CFAP44: variants seen among roughly 807,000 people sequenced by gnomAD.
The protein encoded by CFAP44 is cilia- and flagella-associated protein 44.
CFAP44 carries 134 observed loss-of-function variants against 216.2 expected under a neutral mutation model. The ratio of observed to expected loss-of-function variants is 0.62; its 90% CI spans 0.54 to 0.72. CFAP44 has a LOEUF of 0.72. CFAP44 is among the 30% of genes least tolerant of loss of function. The probability of loss-of-function intolerance (pLI) is 0.00; values close to 1 mark genes in which losing one functional copy is unlikely to be tolerated. For synonymous variants in CFAP44, 700 were observed against 727.6 expected (o/e 0.96, Z 0.61); for missense variants, 2,035 against 2,182.1 (o/e 0.93, Z 1.34).
intron 28 of CFAP44, among the ~76,000 whole-genome samples, chr3:113,324,229 A>G (rs996361733): frequency 7.9e-5 from 12 of 152,154 alleles, no homozygotes; most frequent in African/African-American, 2.7e-4. Flanking sequence ...CCAGAAAATC[A>G]AATGGAAAAG....
chr3:113,410,617 T>C (rs1576596496), intron 6 of CFAP44, among the ~76,000 whole-genome samples: 2 of 152,342 alleles, frequency 1.3e-5, no homozygotes, highest in East Asian at 3.9e-4. Context: ...TACATGTGCA[T>C]GTGTCTTTAT....
intron 6 of CFAP44, among the ~76,000 whole-genome samples, chr3:113,411,950 G>A (rs1934488936): frequency 6.7e-6 from 1 of 149,190 alleles, no homozygotes; most frequent in Admixed American, 6.7e-5. Flanking sequence ...GTCTGTTATT[G>A]GTGTATAAGA....
At chr3:113,434,125 C>G (rs1208893872) in intron 1 of CFAP44, 1 of 153,340 alleles carries the variant, frequency 6.5e-6, no homozygotes, top group Non-Finnish European at 1.5e-5. Flanking sequence ...AATTACAAAC[C>G]TGGAGAAGAG....
intron 15 of CFAP44, among the ~76,000 whole-genome samples, chr3:113,390,938 A>T (rs1276915820): frequency 6.6e-6 from 1 of 152,158 alleles, no homozygotes; most frequent in Non-Finnish European, 1.5e-5. Flanking sequence ...CTACAAATTC[A>T]ATGCAATGCC....
At chr3:113,382,430 A>C (rs1933540386) in intron 15 of CFAP44, among the ~76,000 whole-genome samples, 1 of 152,140 alleles carries the variant, frequency 6.6e-6, no homozygotes, top group South Asian at 2.1e-4. Flanking sequence ...CATAAAGGAG[A>C]GAGTGATAGA....
chr3:113,385,379 A>G (rs1162005821), intron 15 of CFAP44, among the ~76,000 whole-genome samples: 1 of 152,242 alleles, frequency 6.6e-6, no homozygotes, highest in East Asian at 1.9e-4. Context: ...CCAGGTAGTC[A>G]GAAGATGATA....
chr3:113,306,707 ATC>A (rs1949988987), intron 29 of CFAP44, among the ~76,000 whole-genome samples: 1 of 152,202 alleles, frequency 6.6e-6, no homozygotes, highest in African/African-American at 2.4e-5. Flanking sequence ...CAAGTGCATT[ATC>A]TCTCTATTAT....
At chr3:113,332,824 T>C (rs953686454) in intron 25 of CFAP44, among the ~76,000 whole-genome samples, 3 of 152,176 alleles carry the variant, frequency 2.0e-5, no homozygotes, top group Admixed American at 6.5e-5. Flanking sequence ...AACAATGGCC[T>C]TTTAAATCTA....
intron 1 of CFAP44, among the ~76,000 whole-genome samples, chr3:113,439,859 G>T (rs1935321380): frequency 6.6e-6 from 1 of 152,096 alleles, no homozygotes; most frequent in Non-Finnish European, 1.5e-5. Context: ...TGCCAGAGGT[G>T]GTTATTTAAG....
intron 18 of CFAP44, among the ~76,000 whole-genome samples, chr3:113,371,342 A>G (rs1052968888): frequency 6.6e-6 from 1 of 152,244 alleles, no homozygotes; most frequent in Admixed American, 6.5e-5. Flanking sequence ...CTACAAGGCT[A>G]TAGTAACCAA....
chr3:113,306,857 G>A (rs1000476217), intron 29 of CFAP44, among the ~76,000 whole-genome samples: 19 of 152,138 alleles, frequency 1.2e-4, no homozygotes, highest in African/African-American at 4.6e-4. Context: ...CATTCTTCAA[G>A]CCATTTAATT....
chr3:113,333,401 A>C lies in CFAP44; in HGVS notation c.3615+5T>G. Reference sequence around the variant, plus strand: ...TCCATTGTCATAAAATCTGTAGATAAGTACCAAAGAATCTAGGTGTCCTAG... The same window carrying C: ...TCCATTGTCATAAAATCTGTAGATACGTACCAAAGAATCTAGGTGTCCTAG... On this transcript the variant is annotated splice_donor_5th_base_variant and intron_variant, in intron 25 of 34. Coordinates refer to ENST00000393845, the MANE Select transcript of CFAP44 (RefSeq NM_001164496.2). The C allele has an allele frequency of 6.5e-7, 1 of 1,535,700 alleles. No individual in the cohort carries two copies. The highest frequency in any genetic ancestry group is 8.7e-7 in the Non-Finnish European group (1 of 1,146,510).
intron 9 of CFAP44, among the ~76,000 whole-genome samples, chr3:113,403,000 G>A (rs1326773722): frequency 1.3e-5 from 2 of 152,124 alleles, no homozygotes; most frequent in Non-Finnish European, 2.9e-5. Context: ...CAAAAAGCCA[G>A]TGGTAAGAGG....
chr3:113,295,890 G>A (rs1949874973), intron 33 of CFAP44, among the ~76,000 whole-genome samples: 1 of 152,128 alleles, frequency 6.6e-6, no homozygotes. Context: ...TTCTAAAACT[G>A]TCAGAGCATT....
chr3:113,356,936 C>T (rs918874278), intron 22 of CFAP44, among the ~76,000 whole-genome samples: 2 of 152,016 alleles, frequency 1.3e-5, no homozygotes, highest in African/African-American at 4.8e-5. Flanking sequence ...CACATACATA[C>T]ATGTCATATA....
intron 15 of CFAP44, among the ~76,000 whole-genome samples, chr3:113,389,631 G>C (rs1256040431): frequency 6.6e-6 from 1 of 151,682 alleles, no homozygotes; most frequent in Non-Finnish European, 1.5e-5. Context: ...AAATAAGAGA[G>C]AGAAGCCTAA....
At chr3:113,301,407 T>C (rs76394653) in intron 32 of CFAP44, among the ~76,000 whole-genome samples, 5,116 of 152,170 alleles carry the variant, frequency 0.034, 261 homozygotes, top group African/African-American at 0.11. Flanking sequence ...TGCACACAGA[T>C]AGATGTTACA....
chr3:113,408,253 A>G (rs1048664751), intron 7 of CFAP44, among the ~76,000 whole-genome samples: 1 of 152,222 alleles, frequency 6.6e-6, no homozygotes, highest in African/African-American at 2.4e-5. Flanking sequence ...TGGAAGAAAG[A>G]GAGAGAAAGA....
chr3:113,316,209 A>T (rs1242198591), intron 28 of CFAP44, among the ~76,000 whole-genome samples: 2 of 152,272 alleles, frequency 1.3e-5, no homozygotes, highest in Non-Finnish European at 2.9e-5. Context: ...TGGGATACAG[A>T]GCAGGTCTCA....
Sources: allele counts gnomAD v4.1 joint callset (sites outside exome capture counted in the v4.1 genomes callset), GRCh38; gene constraint gnomAD v4.1.1; transcripts MANE v1.5; gene names NCBI Gene and HGNC (gene_info 2026-07-23, HGNC 2026-07-21).